Variants in ADCK1 observed in about 807,000 individuals in gnomAD.
The protein encoded by ADCK1 is aarF domain containing kinase 1, also known as aarF domain-containing protein kinase 1.
In ADCK1, 41 loss-of-function variants were observed where a neutral mutation model predicts 52.3. The observed-to-expected ratio is 0.78, with a 90% CI of 0.61 to 1.02. The LOEUF (loss-of-function observed/expected upper bound fraction) is 1.02. Among genes scored for constraint, ADCK1 ranks in the 50% least tolerant of loss-of-function variants. The pLI is 0.00. For missense variants in ADCK1, 658 were observed against 679.5 expected, an observed-to-expected ratio of 0.97 and a Z score of 0.35; for synonymous variants, 250 against 274.6, an observed-to-expected ratio of 0.91 and a Z score of 0.89.
At chr14:77,861,945 G>A (rs1047850639) in intron 4 of ADCK1, among the ~76,000 whole-genome samples, 3 of 152,348 alleles carry the variant, frequency 2.0e-5, no homozygotes, top group East Asian at 3.9e-4. Context: ...GAGGGCACTC[G>A]AAGGGGCACT....
chr14:77,923,110 A>G lies in ADCK1; in HGVS notation c.859-1347A>G, dbSNP rs1186134093. 1.3e-5 allele frequency: 2 copies of G among 152,236 alleles called. No homozygotes were observed. Among genetic ancestry groups the G allele is most frequent in the Non-Finnish European group, 2.9e-5 (2 of 68,038 alleles). 9.4% of individuals were successfully genotyped at this position (152,236 alleles called of 1,614,324 possible). A position where few individuals can be genotyped will look rare whatever the true frequency, so the allele number is the denominator to read the frequency against. On this transcript the variant is annotated intron_variant, in intron 7 of 10. Transcript: ENST00000238561. The surrounding 1 kb of genome is among the most constrained non-coding windows in gnomAD (Gnocchi z 4.3). ...CCCTCCTATCTTGGGAGTTTATGATAGTGGGATAGATGGTCATTAATCAAA... is the reference window on the plus strand; with the variant it reads ...CCCTCCTATCTTGGGAGTTTATGATGGTGGGATAGATGGTCATTAATCAAA...
At chr14:77,856,530 C>T (rs2082420367) in intron 3 of ADCK1, among the ~76,000 whole-genome samples, 1 of 151,992 alleles carries the variant, frequency 6.6e-6, no homozygotes. Flanking sequence ...ACATTGATAC[C>T]TTTCTGCCTA....
intron 5 of ADCK1, among the ~76,000 whole-genome samples, chr14:77,894,443 C>T (rs182628819): frequency 1.3e-5 from 2 of 152,284 alleles, no homozygotes; most frequent in African/African-American, 4.8e-5. Flanking sequence ...TACAAAGCTC[C>T]TCTGCCTTAT....
chr14:77,824,437 T>C (rs1043843958), intron 3 of ADCK1, among the ~76,000 whole-genome samples: 2 of 126,196 alleles, frequency 1.6e-5, no homozygotes, highest in African/African-American at 6.2e-5. Context: ...TCTTTCTTTC[T>C]TTTTTTTTTT....
At chr14:77,826,915 T>C (rs1280472792) in intron 3 of ADCK1, among the ~76,000 whole-genome samples, 1 of 152,080 alleles carries the variant, frequency 6.6e-6, no homozygotes, top group Non-Finnish European at 1.5e-5. Flanking sequence ...TTCTGGCCAG[T>C]GCGCAGGACT....
intron 6 of ADCK1, among the ~76,000 whole-genome samples, chr14:77,901,339 T>G (rs1206284570): frequency 1.3e-5 from 2 of 149,370 alleles, no homozygotes; most frequent in Non-Finnish European, 3.0e-5. Flanking sequence ...TGTGAGCCAC[T>G]GCTCCTGGCC....
At chr14:77,825,860 G>A (rs1468529903) in intron 3 of ADCK1, among the ~76,000 whole-genome samples, 1 of 152,106 alleles carries the variant, frequency 6.6e-6, no homozygotes, top group Non-Finnish European at 1.5e-5. Context: ...GCGCTTCCCT[G>A]CCCCTCTTTC....
intron 5 of ADCK1, among the ~76,000 whole-genome samples, chr14:77,895,752 C>T (rs777755975): frequency 1.3e-5 from 2 of 152,148 alleles, no homozygotes; most frequent in Admixed American, 6.5e-5. Flanking sequence ...TTGAACCCGA[C>T]GACTCTTAAC....
At chr14:77,918,994 A>G (rs944903622) in intron 7 of ADCK1, among the ~76,000 whole-genome samples, 3 of 152,216 alleles carry the variant, frequency 2.0e-5, no homozygotes, top group African/African-American at 7.2e-5. Flanking sequence ...AAACGCCCAT[A>G]AACACCTGCT....
At chr14:77,885,069 A>G (rs1229133176) in intron 4 of ADCK1, among the ~76,000 whole-genome samples, 1 of 152,222 alleles carries the variant, frequency 6.6e-6, no homozygotes, top group African/African-American at 2.4e-5. Flanking sequence ...TTTGGCACCA[A>G]CTAGTTCCAG....
At chr14:77,846,644 C>T (rs1417811835) in intron 3 of ADCK1, among the ~76,000 whole-genome samples, 1 of 152,210 alleles carries the variant, frequency 6.6e-6, no homozygotes. Context: ...GTGATCTGCC[C>T]AGCTGATCCC....
At position 77,931,661 on chromosome 14, in the gene ADCK1, C is replaced by T. The variant is rs540439929; in HGVS notation, c.1350C>T (p.Ser450=). The T allele has an allele frequency of 6.6e-5, 107 of 1,609,700 alleles. No individual in the cohort carries two copies. The South Asian group carries it at 8.3e-4, about 13-fold the overall frequency. The change falls in exon 10 of 11, where the codon AGC becomes AGT. Residue 450 remains serine, a synonymous_variant. Coordinates refer to ENST00000238561, the MANE Select transcript of ADCK1 (RefSeq NM_020421.4). Reference sequence around the variant, plus strand: ...AGGCCGCCCTGGGCACCCGCGCCAGCGCCAGCTCCTTTCTCAACATGTCAC... The same window carrying T: ...AGGCCGCCCTGGGCACCCGCGCCAGTGCCAGCTCCTTTCTCAACATGTCAC... ...GIEAALGTRA[S]ASSFLNMSRC... is the part of the protein sequence containing the mutation.
chr14:77,913,725 G>A (rs897123068), intron 7 of ADCK1, among the ~76,000 whole-genome samples: 2 of 152,254 alleles, frequency 1.3e-5, no homozygotes, highest in African/African-American at 2.4e-5. Flanking sequence ...AGAGACAGGA[G>A]TGTAGGGGCA....
intron 6 of ADCK1, among the ~76,000 whole-genome samples, chr14:77,900,399 C>T (rs1362271976): frequency 6.6e-6 from 1 of 151,998 alleles, no homozygotes; most frequent in East Asian, 1.9e-4. Flanking sequence ...CCAGCCTGGC[C>T]AACATGGTGA....
At chr14:77,820,045 G>A (rs1460669915) in intron 2 of ADCK1, among the ~76,000 whole-genome samples, 1 of 152,170 alleles carries the variant, frequency 6.6e-6, no homozygotes, top group Non-Finnish European at 1.5e-5. Context: ...ATTCCCAAGT[G>A]TTTACCGAAT....
At chr14:77,887,847 A>G (rs1310869879) in intron 5 of ADCK1, among the ~76,000 whole-genome samples, 1 of 152,232 alleles carries the variant, frequency 6.6e-6, no homozygotes, top group African/African-American at 2.4e-5. Context: ...GTCAGTAGCC[A>G]TCACCGCCTA....
At chr14:77,863,987 A>G (rs1475004886) in intron 4 of ADCK1, among the ~76,000 whole-genome samples, 1 of 152,154 alleles carries the variant, frequency 6.6e-6, no homozygotes, top group African/African-American at 2.4e-5. Flanking sequence ...GTTAGGGGCA[A>G]TGCTTATATT....
At chr14:77,929,188 A>T (rs1168797911) in intron 9 of ADCK1, among the ~76,000 whole-genome samples, 2 of 152,140 alleles carry the variant, frequency 1.3e-5, no homozygotes, top group Non-Finnish European at 2.9e-5. Context: ...GATTAGGGGA[A>T]CCTCCAACAT....
chr14:77,894,736 G>GTTTTTTTTTTTTTTTTTTTT lies in ADCK1; in HGVS notation c.583-4355_583-4336dup. 1.0e-3 allele frequency among the ~76,000 whole-genome samples: 38 copies of GTTTTTTTTTTTTTTTTTTTT among 36,478 alleles called. 8 individuals carry two copies. The highest frequency in any genetic ancestry group is 1.5e-3 in the Non-Finnish European group (26 of 16,928). 23.9% of individuals were successfully genotyped at this position (36,478 alleles called of 152,430 possible). A position where few individuals can be genotyped will look rare whatever the true frequency, so the allele number is the denominator to read the frequency against. The stretch of plus-strand genomic sequence containing the variant: ...TTATTTCTTTTTCTTTTCTTTTCTT[G>GTTTTTTTTTTTTTTTTTTTT]TTTTTTTTTTTTTTTTTTTTTTTTT... On this transcript the variant is annotated intron_variant, in intron 5 of 10. Transcript: ENST00000238561.
Sources: allele counts gnomAD v4.1 joint callset (sites outside exome capture counted in the v4.1 genomes callset), GRCh38; gene constraint gnomAD v4.1.1; non-coding constraint Gnocchi (gnomAD v3.1); transcripts MANE v1.5; gene names NCBI Gene and HGNC (gene_info 2026-07-23, HGNC 2026-07-21).